BTRC: variants seen among roughly 807,000 people sequenced by gnomAD.
BTRC encodes beta-transducin repeat containing E3 ubiquitin protein ligase, also known as F-box/WD repeat-containing protein 1A.
Under a neutral mutation model 85.5 loss-of-function variants are expected in BTRC, and 42 were observed. The observed-to-expected ratio is 0.49, with a 90% confidence interval of 0.38 to 0.64. BTRC has a LOEUF of 0.64. BTRC is among the 30% of genes least tolerant of loss of function. BTRC has a pLI of 0.00. For missense variants in BTRC, 594 were observed against 743.5 expected (o/e 0.80, Z 2.34); for synonymous variants, 255 against 263.3 (o/e 0.97, Z 0.30).
chr10:101,389,117 G>GTTTTTTTTTTTTT (rs1169198314), intron 1 of BTRC, among the ~76,000 whole-genome samples: 2 of 53,044 alleles, frequency 3.8e-5, no homozygotes, highest in Admixed American at 2.5e-4. Context: ...TTTTTTGTGT[G>GTTTTTTTTTTTTT]TGTTTTTTTT....
At chr10:101,526,256 C>A in intron 6 of BTRC, 57 bp downstream of exon 6, 1 of 1,505,652 alleles carries the variant, frequency 6.6e-7, no homozygotes, top group South Asian at 1.3e-5. Flanking sequence ...CATTCACAGT[C>A]ACTGAAAGAT....
intron 1 of BTRC, among the ~76,000 whole-genome samples, chr10:101,387,759 T>C (rs1472591975): frequency 6.6e-6 from 1 of 151,368 alleles, no homozygotes; most frequent in African/African-American, 2.4e-5. Flanking sequence ...GCGCGATCTC[T>C]GCTTACTGCA....
intron 1 of BTRC, among the ~76,000 whole-genome samples, chr10:101,412,944 CA>C (rs1415779383): frequency 6.6e-6 from 1 of 151,866 alleles, no homozygotes; most frequent in East Asian, 1.9e-4. Flanking sequence ...AACAAAGTAA[CA>C]AAAAATGATA....
intron 2 of BTRC, among the ~76,000 whole-genome samples, chr10:101,446,066 G>GA (rs1014733265): frequency 3.3e-5 from 5 of 152,052 alleles, no homozygotes; most frequent in South Asian, 2.1e-4. Context: ...TCAGCCTGGA[G>GA]AAAAAATTCA....
chr10:101,516,964 TG>T (rs1197412227), intron 4 of BTRC, among the ~76,000 whole-genome samples: 1 of 152,136 alleles, frequency 6.6e-6, no homozygotes, highest in Non-Finnish European at 1.5e-5. Context: ...TGATAGAGTT[TG>T]GGAGGTTTTC....
chr10:101,533,392 A>G (rs746265335), intron 9 of BTRC, among the ~76,000 whole-genome samples: 2 of 152,226 alleles, frequency 1.3e-5, no homozygotes, highest in African/African-American at 2.4e-5. Flanking sequence ...TATGAATGCA[A>G]TGAAGCCTTC....
chr10:101,544,984 T>C (rs566518828), intron 13 of BTRC, among the ~76,000 whole-genome samples: 2 of 151,878 alleles, frequency 1.3e-5, no homozygotes, highest in South Asian at 4.2e-4. Context: ...GTCCAGGAGA[T>C]TGAGGCTGCA....
At chr10:101,473,516 G>C (rs1215316096) in intron 3 of BTRC, among the ~76,000 whole-genome samples, 3 of 144,188 alleles carry the variant, frequency 2.1e-5, no homozygotes, top group Non-Finnish European at 4.5e-5. Context: ...TGTTGCCCAG[G>C]CTGGAGAACA....
At chr10:101,537,561 A>T (rs2062406163) in intron 12 of BTRC, among the ~76,000 whole-genome samples, 1 of 152,236 alleles carries the variant, frequency 6.6e-6, no homozygotes, top group African/African-American at 2.4e-5. Context: ...TTCACTTAGG[A>T]AGAACTCTTA....
intron 1 of BTRC, among the ~76,000 whole-genome samples, chr10:101,356,610 C>T (rs911817962): frequency 3.3e-5 from 5 of 152,174 alleles, no homozygotes; most frequent in Non-Finnish European, 5.9e-5. Flanking sequence ...ATTTTAGTTA[C>T]TTTCATTATT....
chr10:101,483,056 GAGA>G (rs1430289697), intron 4 of BTRC, among the ~76,000 whole-genome samples: 7 of 152,148 alleles, frequency 4.6e-5, no homozygotes, highest in African/African-American at 1.7e-4. Flanking sequence ...GTAAGTTTTA[GAGA>G]AGACATTAAT....
At chr10:101,400,005 C>T (rs1943456200) in intron 1 of BTRC, among the ~76,000 whole-genome samples, 1 of 152,160 alleles carries the variant, frequency 6.6e-6, no homozygotes, top group Non-Finnish European at 1.5e-5. Flanking sequence ...CATACCATCA[C>T]AAAAGAAGGC....
chr10:101,450,315 T>C (rs991100536), intron 2 of BTRC, among the ~76,000 whole-genome samples: 1 of 152,182 alleles, frequency 6.6e-6, no homozygotes, highest in East Asian at 1.9e-4. Flanking sequence ...TACAAATTTG[T>C]CTTTCTCCTA....
At chr10:101,384,626 G>T (rs1943021396) in intron 1 of BTRC, among the ~76,000 whole-genome samples, 1 of 152,148 alleles carries the variant, frequency 6.6e-6, no homozygotes, top group African/African-American at 2.4e-5. Context: ...TTTTTCAAAG[G>T]CTCAGGTTTG....
chr10:101,377,582 A>G (rs1471376486), intron 1 of BTRC, among the ~76,000 whole-genome samples: 2 of 152,204 alleles, frequency 1.3e-5, no homozygotes, highest in African/African-American at 4.8e-5. Context: ...TAATAGGTGT[A>G]TAGGGATATC....
At chr10:101,379,270 C>T (rs913203158) in intron 1 of BTRC, among the ~76,000 whole-genome samples, 3 of 152,172 alleles carry the variant, frequency 2.0e-5, no homozygotes, top group African/African-American at 7.2e-5. Context: ...TCTTACCTGA[C>T]ACATATGCAC....
chr10:101,535,110 T>G (rs2062366635), intron 10 of BTRC, among the ~76,000 whole-genome samples, 200 bp downstream of exon 10: 1 of 152,206 alleles, frequency 6.6e-6, no homozygotes, highest in South Asian at 2.1e-4. Flanking sequence ...CTATAAATAG[T>G]GGTGAGTGTG....
chr10:101,398,963 T>C (rs1055146631), intron 1 of BTRC, among the ~76,000 whole-genome samples: 4 of 152,196 alleles, frequency 2.6e-5, no homozygotes, highest in Non-Finnish European at 5.9e-5. Flanking sequence ...TTTTGTTTTT[T>C]TTCTTTTGAG....
chr10:101,369,327 T>A (rs1942567610), intron 1 of BTRC, among the ~76,000 whole-genome samples: 2 of 151,960 alleles, frequency 1.3e-5, no homozygotes, highest in African/African-American at 4.8e-5. Context: ...TCAAACATCC[T>A]CCCACCTGGG....
Sources: allele counts gnomAD v4.1 joint callset (sites outside exome capture counted in the v4.1 genomes callset), GRCh38; gene constraint gnomAD v4.1.1; transcripts MANE v1.5; gene names NCBI Gene and HGNC (gene_info 2026-07-23, HGNC 2026-07-21).